The following MDGA2 variants were observed in gnomAD, a reference collection of about 807,000 sequenced individuals.
MDGA2 encodes the protein MAM domain-containing glycosylphosphatidylinositol anchor protein 2.
Under a neutral mutation model 117.8 loss-of-function variants are expected in MDGA2, and 40 were observed. That is an observed-to-expected ratio of 0.34 (90% CI 0.26 to 0.44). MDGA2 has a LOEUF of 0.44. Among genes scored for constraint, MDGA2 ranks in the 20% least tolerant of loss-of-function variants. The pLI is 1.00. For synonymous variants in MDGA2, 452 were observed against 439.0 expected (o/e 1.03, Z -0.37); for missense variants, 1,123 against 1,250.6 (o/e 0.90, Z 1.54).
intron 1 of MDGA2, chr14:47,444,482 T>C (rs1893080274): frequency 5.1e-6 from 1 of 195,614 alleles, no homozygotes; most frequent in Non-Finnish European, 1.1e-5. Flanking sequence ...GCCAGGACAA[T>C]CATGAGCACC....
At chr14:47,582,059 CAAGT>C (rs1305394792) in intron 1 of MDGA2, among the ~76,000 whole-genome samples, 1 of 151,718 alleles carries the variant, frequency 6.6e-6, no homozygotes, top group Non-Finnish European at 1.5e-5. Flanking sequence ...TTGTTAGTGC[CAAGT>C]AAGATAACAG....
At chr14:47,471,938 T>C (rs937095699) in intron 1 of MDGA2, among the ~76,000 whole-genome samples, 1 of 152,162 alleles carries the variant, frequency 6.6e-6, no homozygotes, top group Non-Finnish European at 1.5e-5. Context: ...ATGGTGTTAT[T>C]ATATTTTCAG....
intron 8 of MDGA2, among the ~76,000 whole-genome samples, chr14:47,007,477 C>A (rs1335013408): frequency 6.6e-6 from 1 of 151,716 alleles, no homozygotes; most frequent in East Asian, 1.9e-4. Context: ...CATACACCTA[C>A]TCATAAAGGC....
chr14:47,642,397 A>C (rs1345436593), intron 1 of MDGA2, among the ~76,000 whole-genome samples: 1 of 152,086 alleles, frequency 6.6e-6, no homozygotes, highest in East Asian at 1.9e-4. Flanking sequence ...TGAGCTCAAA[A>C]CATGACTTTG....
intron 1 of MDGA2, among the ~76,000 whole-genome samples, chr14:47,317,762 C>A (rs940255362): frequency 6.6e-6 from 1 of 152,088 alleles, no homozygotes; most frequent in African/African-American, 2.4e-5. Context: ...AGAACACATA[C>A]ATCACGTTTA....
chr14:47,294,956 A>G (rs1889013478), intron 2 of MDGA2, among the ~76,000 whole-genome samples: 1 of 152,214 alleles, frequency 6.6e-6, no homozygotes, highest in Admixed American at 6.5e-5. Flanking sequence ...CAACAATCAA[A>G]TGACTGAATA....
At chr14:47,618,398 A>G (rs575098214) in intron 1 of MDGA2, among the ~76,000 whole-genome samples, 59 of 152,200 alleles carry the variant, frequency 3.9e-4, no homozygotes, top group Non-Finnish European at 6.3e-4. Context: ...CATGCTCCTC[A>G]TTATCAAAAG....
chr14:47,480,260 T>A (rs1294226608), intron 1 of MDGA2, among the ~76,000 whole-genome samples: 5 of 152,068 alleles, frequency 3.3e-5, no homozygotes, highest in Non-Finnish European at 7.4e-5. Context: ...AATTCTTAGC[T>A]TACAGTTAAG....
At chr14:47,605,330 G>C (rs1452522293) in intron 1 of MDGA2, among the ~76,000 whole-genome samples, 1 of 152,108 alleles carries the variant, frequency 6.6e-6, no homozygotes, top group Non-Finnish European at 1.5e-5. Flanking sequence ...TTGTGTGTTT[G>C]TATATGTGTG....
intron 10 of MDGA2, among the ~76,000 whole-genome samples, chr14:46,888,610 T>C (rs905582633): frequency 6.6e-6 from 1 of 151,838 alleles, no homozygotes; most frequent in Admixed American, 6.6e-5. Context: ...ACATGTTAAT[T>C]TTTTCTCTTA....
chr14:46,965,537 G>C (rs576377163), intron 8 of MDGA2, among the ~76,000 whole-genome samples: 50 of 152,222 alleles, frequency 3.3e-4, no homozygotes, highest in African/African-American at 1.2e-3. Flanking sequence ...ATTCCAGGGT[G>C]GTTTCTTCAC....
intron 1 of MDGA2, among the ~76,000 whole-genome samples, chr14:47,361,201 CTCTCTCTATATA>C (rs979469772): frequency 5.3e-5 from 7 of 131,836 alleles, no homozygotes; most frequent in African/African-American, 1.9e-4. Context: ...CTCTCTCTCT[CTCTCTCTATATA>C]TATATATATA....
At chr14:47,279,950 C>A (rs1888422451) in intron 2 of MDGA2, among the ~76,000 whole-genome samples, 1 of 151,976 alleles carries the variant, frequency 6.6e-6, no homozygotes, top group African/African-American at 2.4e-5. Context: ...AGCTCTCTAT[C>A]ACCTCGAATT....
intron 1 of MDGA2, among the ~76,000 whole-genome samples, chr14:47,354,855 T>C (rs932924641): frequency 1.3e-5 from 2 of 152,020 alleles, no homozygotes; most frequent in African/African-American, 2.4e-5. Context: ...GAAGATAATT[T>C]TTTTTTTCCA....
At chr14:47,320,797 A>AT in intron 1 of MDGA2, among the ~76,000 whole-genome samples, 1 of 152,178 alleles carries the variant, frequency 6.6e-6, no homozygotes, top group Middle Eastern at 3.4e-3. Context: ...AATCTCCTCT[A>AT]TTTTTCCTGG....
intron 7 of MDGA2, among the ~76,000 whole-genome samples, chr14:47,039,716 C>G (rs971590879): frequency 3.3e-5 from 5 of 152,048 alleles, no homozygotes; most frequent in Non-Finnish European, 7.4e-5. Context: ...ATGACACAGT[C>G]TTTTTAAATG....
At position 47,675,528 on chromosome 14, in the gene MDGA2, A is replaced by T. The variant is rs947068256; in HGVS notation, c.-732T>A. 6.6e-6 allele frequency among the ~76,000 whole-genome samples: 1 copy of T among 152,088 alleles called. No homozygotes were observed. Among genetic ancestry groups the T allele is most frequent in the Non-Finnish European group, 1.5e-5 (1 of 67,990 alleles). ...AGCCTTTAGCGCCCGGCCAGCGTAGAGGTGCTCTGGCCGGCCGCACCAATT... is the reference window on the plus strand; with the variant it reads ...AGCCTTTAGCGCCCGGCCAGCGTAGTGGTGCTCTGGCCGGCCGCACCAATT... On this transcript the variant is annotated 5_prime_UTR_variant, in exon 1 of 17. Coordinates refer to ENST00000399232, the MANE Select transcript of MDGA2 (RefSeq NM_001113498.3).
intron 1 of MDGA2, among the ~76,000 whole-genome samples, chr14:47,361,192 T>TCTCTCC (rs1402067405): frequency 2.7e-4 from 37 of 134,828 alleles, no homozygotes; most frequent in African/African-American, 9.8e-4. Flanking sequence ...TTGTACTCTC[T>TCTCTCC]CTCTCTCTCT....
At chr14:47,398,166 C>T (rs932374968) in intron 1 of MDGA2, among the ~76,000 whole-genome samples, 3 of 152,136 alleles carry the variant, frequency 2.0e-5, no homozygotes, top group African/African-American at 4.8e-5. Context: ...TGATACTATA[C>T]GGCTCTTCAA....
Sources: gnomAD v4.1 joint callset for allele counts (sites outside exome capture counted in the v4.1 genomes callset) on GRCh38, gnomAD v4.1.1 for gene constraint, MANE v1.5 for transcripts, NCBI Gene and HGNC (gene_info 2026-07-23, HGNC 2026-07-21) for gene names.